The following ANXA8 variants were observed in gnomAD, a reference collection of about 807,000 sequenced individuals.
The protein encoded by ANXA8 is annexin A8, also known as VAC-beta.
Under a neutral mutation model 26.8 loss-of-function variants are expected in ANXA8, and 9 were observed. The ratio of observed to expected loss-of-function variants is 0.34; its 90% CI spans 0.20 to 0.59. The LOEUF (loss-of-function observed/expected upper bound fraction) is 0.59, where lower values mean the gene tolerates loss of function less well. ANXA8 is among the 20% of genes least tolerant of loss of function. The pLI is 0.84. For synonymous variants in ANXA8, 39 were observed against 94.8 expected, an observed-to-expected ratio of 0.41 and a Z score of 3.42; for missense variants, 83 against 238.5, an observed-to-expected ratio of 0.35 and a Z score of 4.29.
chr10:47,757,034 G>A, the ANXA8 span, among the ~76,000 whole-genome samples: 829 of 94,518 alleles, frequency 8.8e-3, no homozygotes, highest in Non-Finnish European at 0.011. Context: ...ACAGGAAGAG[G>A]CTTCCTGCAC....
At chr10:47,743,352 A>G in the ANXA8 span, among the ~76,000 whole-genome samples, 17 of 69,608 alleles carry the variant, frequency 2.4e-4, 2 homozygotes, top group East Asian at 3.1e-3. Context: ...ATATATATAT[A>G]TACACATATA....
chr10:47,744,439 A>AGGGGGGGGGGGGGGGGGGGGGG, the ANXA8 span, among the ~76,000 whole-genome samples: 1 of 23,786 alleles, frequency 4.2e-5, no homozygotes, highest in Non-Finnish European at 7.3e-5. Context: ...GGAGGGGGGA[A>AGGGGGGGGGGGGGGGGGGGGGG]GAGGGGGGGC....
the ANXA8 span, among the ~76,000 whole-genome samples, chr10:47,743,353 TACACATATATATATATAC>T: frequency 2.6e-5 from 1 of 39,096 alleles, no homozygotes; most frequent in Non-Finnish European, 5.8e-5. Context: ...TATATATATA[TACACATATATATATATAC>T]ATATATATGT....
At chr10:47,973,541 C>T in the ANXA8 span, 1 of 150,132 alleles carries the variant, frequency 6.7e-6, no homozygotes, top group Non-Finnish European at 1.5e-5. Context: ...TCCTTATTCT[C>T]ACAGCAGCCA....
chr10:47,605,885 A>G, the ANXA8 span, among the ~76,000 whole-genome samples: 1 of 144,984 alleles, frequency 6.9e-6, no homozygotes, highest in Non-Finnish European at 1.5e-5. Flanking sequence ...GAATATATAA[A>G]ATAGACACTT....
the ANXA8 span, among the ~76,000 whole-genome samples, chr10:47,658,850 A>T: frequency 2.0e-4 from 18 of 89,596 alleles, no homozygotes; most frequent in Non-Finnish European, 2.7e-4. Flanking sequence ...TTTATTTATT[A>T]TTTATTTATT....
chr10:47,724,848 CCCCTCAACCCATGG>C, the ANXA8 span, among the ~76,000 whole-genome samples: 2 of 138,164 alleles, frequency 1.4e-5, no homozygotes, highest in Middle Eastern at 3.7e-3. Context: ...ATTCCCCATG[CCCCTCAACCCATGG>C]CAACTACGAA....
chr10:47,767,439 T>C, the ANXA8 span, among the ~76,000 whole-genome samples: 1 of 152,284 alleles, frequency 6.6e-6, no homozygotes, highest in Non-Finnish European at 1.5e-5. Flanking sequence ...GGCCTGTGGC[T>C]CCCTCCTGCC....
chr10:47,680,436 A>G, the ANXA8 span, among the ~76,000 whole-genome samples: 11 of 151,882 alleles, frequency 7.2e-5, no homozygotes, highest in Non-Finnish European at 1.5e-4. Context: ...GGAGTTCAAG[A>G]CTAGCCTGGC....
chr10:47,651,523 G>A, the ANXA8 span, among the ~76,000 whole-genome samples: 2 of 150,538 alleles, frequency 1.3e-5, no homozygotes, highest in East Asian at 1.9e-4. Context: ...TTGTACATGA[G>A]TGTTAATAGC....
chr10:47,657,676 CATGA>C, the ANXA8 span, among the ~76,000 whole-genome samples: 30 of 150,102 alleles, frequency 2.0e-4, no homozygotes, highest in African/African-American at 7.0e-4. Context: ...AATCCTATAC[CATGA>C]ATGAATTATG....
chr10:47,976,276 T>G, the ANXA8 span, among the ~76,000 whole-genome samples: 1 of 150,330 alleles, frequency 6.7e-6, no homozygotes, highest in Non-Finnish European at 1.5e-5. Flanking sequence ...TCCTGGAAAT[T>G]AACCAAAGGC....
At chr10:47,563,573 C>T in the ANXA8 span, 203 of 783,942 alleles carry the variant, frequency 2.6e-4, 3 homozygotes, top group Non-Finnish European at 3.9e-4. Flanking sequence ...TTCTCACCCA[C>T]CCCAACACAT....
At chr10:47,959,068 GTGGAAGCAGTTGGCC>G in the ANXA8 span, among the ~76,000 whole-genome samples, 3 of 149,104 alleles carry the variant, frequency 2.0e-5, no homozygotes, top group South Asian at 6.3e-4. Context: ...GAAGTGGCCA[GTGGAAGCAGTTGGCC>G]TTCTGGAGAA....
the ANXA8 span, chr10:47,970,554 A>G: frequency 6.6e-6 from 1 of 151,356 alleles, no homozygotes; most frequent in Non-Finnish European, 1.5e-5. Flanking sequence ...GTATATCTAT[A>G]TAAGTGATGC....
chr10:47,952,534 T>C, the ANXA8 span, among the ~76,000 whole-genome samples: 1 of 148,134 alleles, frequency 6.8e-6, no homozygotes, highest in Non-Finnish European at 1.5e-5. Flanking sequence ...ACTTACAAGA[T>C]GAGCAAAATC....
the ANXA8 span, among the ~76,000 whole-genome samples, chr10:47,718,129 C>T: frequency 6.6e-6 from 1 of 152,268 alleles, no homozygotes; most frequent in Non-Finnish European, 1.5e-5. Context: ...AACAAACCTG[C>T]ACATCTACCC....
At chr10:47,720,452 A>G in the ANXA8 span, among the ~76,000 whole-genome samples, 2 of 147,138 alleles carry the variant, frequency 1.4e-5, no homozygotes, top group African/African-American at 5.0e-5. Flanking sequence ...GGAAGCTAGT[A>G]AGACATTTAA....
the ANXA8 span, among the ~76,000 whole-genome samples, chr10:47,975,543 T>C: frequency 6.0e-5 from 9 of 149,808 alleles, 1 homozygote; most frequent in Non-Finnish European, 1.0e-4. Flanking sequence ...GACTTTGCAG[T>C]TGGCCATTCC....
Sources: allele counts gnomAD v4.1 joint callset (sites outside exome capture counted in the v4.1 genomes callset), GRCh38; gene constraint gnomAD v4.1.1; transcripts MANE v1.5; gene names NCBI Gene and HGNC (gene_info 2026-07-23, HGNC 2026-07-21).